PTPRG: variants seen among roughly 807,000 people sequenced by gnomAD.
The protein encoded by PTPRG is receptor-type tyrosine-protein phosphatase gamma.
PTPRG carries 102 observed loss-of-function variants against 165.3 expected under a neutral mutation model. The ratio of observed to expected loss-of-function variants is 0.62; its 90% CI spans 0.53 to 0.73. The LOEUF is 0.73. Among genes scored for constraint, PTPRG ranks in the 30% least tolerant of loss-of-function variants. PTPRG has a pLI of 0.00. For synonymous variants in PTPRG, 675 were observed against 669.5 expected (o/e 1.01, Z -0.13); for missense variants, 1,866 against 1,861.4 (o/e 1.00, Z -0.05).
chr3:61,811,823 A>G (rs1021309753), intron 2 of PTPRG, among the ~76,000 whole-genome samples: 1 of 152,202 alleles, frequency 6.6e-6, no homozygotes, highest in Non-Finnish European at 1.5e-5. Context: ...TGCTGACAGC[A>G]TACCTTGCCT....
intron 5 of PTPRG, among the ~76,000 whole-genome samples, chr3:62,127,252 C>T (rs918421052): frequency 3.3e-5 from 5 of 152,168 alleles, no homozygotes; most frequent in African/African-American, 4.8e-5. Context: ...CTGACAGCAA[C>T]GTGAACCAAA....
At chr3:61,568,983 T>G (rs184014674) in intron 1 of PTPRG, among the ~76,000 whole-genome samples, 10 of 152,230 alleles carry the variant, frequency 6.6e-5, no homozygotes, top group Non-Finnish European at 1.5e-4. Flanking sequence ...GGTTTCTATA[T>G]GTGCCTGGTT....
intron 2 of PTPRG, among the ~76,000 whole-genome samples, chr3:61,965,814 G>A (rs530098780): frequency 1.3e-5 from 2 of 152,342 alleles, no homozygotes; most frequent in African/African-American, 4.8e-5. Context: ...AAGAGTTTAG[G>A]TAACTTGCCC....
intron 2 of PTPRG, among the ~76,000 whole-genome samples, chr3:61,831,391 T>A (rs1274810243): frequency 2.0e-5 from 3 of 152,276 alleles, no homozygotes; most frequent in Admixed American, 6.5e-5. Flanking sequence ...ATCATTGGGA[T>A]AATTTTTACT....
chr3:62,004,699 AC>A (rs2041254451), intron 4 of PTPRG, among the ~76,000 whole-genome samples: 1 of 152,078 alleles, frequency 6.6e-6, no homozygotes, highest in African/African-American at 2.4e-5. Context: ...CCTAGACCGA[AC>A]CCCTGGTGTT....
At chr3:61,640,999 G>C (rs145723562) in intron 1 of PTPRG, among the ~76,000 whole-genome samples, 22 of 152,264 alleles carry the variant, frequency 1.4e-4, no homozygotes, top group African/African-American at 5.1e-4. Flanking sequence ...AGGAGATCAG[G>C]AGAAGATTCT....
intron 7 of PTPRG, among the ~76,000 whole-genome samples, chr3:62,160,859 G>A (rs948318040): frequency 4.0e-5 from 5 of 126,318 alleles, no homozygotes; most frequent in Admixed American, 9.0e-5. Context: ...ACCTTTAGAT[G>A]TGTGATTTTT....
intron 2 of PTPRG, among the ~76,000 whole-genome samples, chr3:61,865,333 T>C (rs530958277): frequency 6.6e-6 from 1 of 152,334 alleles, no homozygotes; most frequent in East Asian, 1.9e-4. Flanking sequence ...TGAGGCCTTG[T>C]TTGAGCGTCT....
At chr3:61,871,012 GTCTC>G (rs1006889348) in intron 2 of PTPRG, among the ~76,000 whole-genome samples, 3 of 152,034 alleles carry the variant, frequency 2.0e-5, no homozygotes, top group African/African-American at 7.3e-5. Flanking sequence ...TAGACTGTCA[GTCTC>G]TCTGTGCCTC....
intron 2 of PTPRG, chr3:61,750,409 A>C (rs2106921140): frequency 6.6e-6 from 1 of 152,328 alleles, no homozygotes; most frequent in Non-Finnish European, 1.5e-5. Flanking sequence ...GAAAGCCCTT[A>C]AACTTTTCCC....
intron 2 of PTPRG, among the ~76,000 whole-genome samples, chr3:61,920,933 G>T (rs775695832): frequency 6.6e-5 from 10 of 152,140 alleles, no homozygotes; most frequent in Non-Finnish European, 1.5e-4. Flanking sequence ...GGTGAAATAT[G>T]ATGTTTTCCT....
At chr3:61,744,244 G>A (rs1023066518) in intron 1 of PTPRG, among the ~76,000 whole-genome samples, 3 of 152,072 alleles carry the variant, frequency 2.0e-5, no homozygotes, top group South Asian at 2.1e-4. Context: ...TCACAGCATC[G>A]TCGATTAAAA....
Position 62,272,820 on chromosome 3 carries a change from G to C in PTPRG, c.3183-126G>C, listed in dbSNP as rs903989538. Reference sequence around the variant, plus strand: ...CCACTGCACTCCAGCCTGGGCAACAGAGTGAAACTCCATCTCATCTCAGAA... The same window carrying C: ...CCACTGCACTCCAGCCTGGGCAACACAGTGAAACTCCATCTCATCTCAGAA... On this transcript the variant is annotated intron_variant, in intron 21 of 29. Transcript: ENST00000474889. The C allele has an allele frequency of 6.3e-6, 7 of 1,114,062 alleles. No homozygotes were observed. The Admixed American group carries it at 2.3e-4, about 36-fold the overall frequency. 69.0% of individuals were successfully genotyped at this position (1,114,062 alleles called of 1,614,324 possible).
intron 4 of PTPRG, among the ~76,000 whole-genome samples, chr3:62,041,143 T>G (rs922866954): frequency 5.3e-5 from 8 of 152,230 alleles, no homozygotes; most frequent in African/African-American, 1.9e-4. Context: ...TACTCAAGTT[T>G]TCTATTCTCG....
At chr3:61,925,813 G>A (rs2039195763) in intron 2 of PTPRG, 1 of 459,934 alleles carries the variant, frequency 2.2e-6, no homozygotes, top group Admixed American at 2.3e-5. Flanking sequence ...GTTCACCAGA[G>A]GGGATTAGGA....
chr3:62,276,612 T>C (rs375111407), intron 24 of PTPRG: 30 of 198,870 alleles, frequency 1.5e-4, no homozygotes, highest in East Asian at 1.4e-3. Context: ...GAGAAAGGGG[T>C]TGGTAAAAGG....
intron 6 of PTPRG, among the ~76,000 whole-genome samples, chr3:62,148,567 C>G (rs565115277): frequency 6.6e-6 from 1 of 152,212 alleles, no homozygotes; most frequent in South Asian, 2.1e-4. Flanking sequence ...AGTTTGAGAC[C>G]AGCCTGGGCA....
intron 2 of PTPRG, among the ~76,000 whole-genome samples, chr3:61,925,423 G>T (rs1197236219): frequency 6.6e-6 from 1 of 152,136 alleles, no homozygotes. Flanking sequence ...CTTCATCACC[G>T]GAAGCCCAGC....
At chr3:62,204,623 A>T (rs1700181030) in intron 12 of PTPRG, among the ~76,000 whole-genome samples, 1 of 152,262 alleles carries the variant, frequency 6.6e-6, no homozygotes, top group Admixed American at 6.5e-5. Context: ...TAATTAAGAA[A>T]GGCCACTCTG....
Sources: allele counts gnomAD v4.1 joint callset (sites outside exome capture counted in the v4.1 genomes callset), GRCh38; gene constraint gnomAD v4.1.1; transcripts MANE v1.5; gene names NCBI Gene and HGNC (gene_info 2026-07-23, HGNC 2026-07-21).